Variants in NR6A1 observed in about 807,000 individuals in gnomAD.
NR6A1 encodes nuclear receptor subfamily 6 group A member 1.
Under a neutral mutation model 59.1 loss-of-function variants are expected in NR6A1, and 7 were observed. The ratio of observed to expected loss-of-function variants is 0.12; its 90% CI spans 0.07 to 0.22. NR6A1 has a LOEUF of 0.22. NR6A1 is among the 10% of genes least tolerant of loss of function. NR6A1 has a pLI of 1.00. For synonymous variants in NR6A1, 243 were observed against 236.1 expected (o/e 1.03, Z -0.27); for missense variants, 468 against 611.6 (o/e 0.77, Z 2.48).
In NR6A1 at chr9:124,729,447, T is replaced by C. The variant is rs1218145498; in HGVS notation, c.142+3861A>G. 5.9e-5 allele frequency among the ~76,000 whole-genome samples: 9 copies of C among 152,218 alleles called. No individual in the cohort carries two copies. In the South Asian group the frequency reaches 1.2e-3, roughly 21 times the overall value. ...AAAAAATACAAAAGTTAGCCAGGCA[T>C]GTGGTGTGCACATGTAGTCACAGCT... On this transcript the variant is annotated intron_variant, in intron 2 of 9. Transcript: ENST00000487099.
intron 1 of NR6A1, among the ~76,000 whole-genome samples, chr9:124,761,562 C>T (rs1316008348): frequency 6.6e-6 from 1 of 152,122 alleles, no homozygotes; most frequent in East Asian, 1.9e-4. Flanking sequence ...GGAAGAGATG[C>T]CTCTCCTATA....
intron 2 of NR6A1, among the ~76,000 whole-genome samples, chr9:124,666,275 C>CTTTTTT (rs922378385): frequency 0.012 from 1,222 of 102,986 alleles, 119 homozygotes; most frequent in African/African-American, 0.05. Context: ...CTATGTGGTT[C>CTTTTTT]TTTTTTTTTT....
intron 2 of NR6A1, among the ~76,000 whole-genome samples, chr9:124,723,589 C>A (rs184007602): frequency 2.0e-5 from 3 of 152,300 alleles, no homozygotes; most frequent in Admixed American, 1.3e-4. Flanking sequence ...TTAAGAAACA[C>A]AGGCCAGCTT....
intron 2 of NR6A1, among the ~76,000 whole-genome samples, chr9:124,592,636 C>G (rs540612507): frequency 2.0e-4 from 31 of 152,162 alleles, no homozygotes; most frequent in Non-Finnish European, 1.8e-4. Flanking sequence ...ACTCAAGAAG[C>G]CTAGAATAAA....
Position 124,631,664 on chromosome 9 carries a change from T to C in NR6A1, c.143-77094A>G, listed in dbSNP as rs183555060. ...TTCCAGCAGCTACCTGCATTTTTTTTTTAACTTTTAAGTTCAGGGGTACCT... is the reference window on the plus strand; with the variant it reads ...TTCCAGCAGCTACCTGCATTTTTTTCTTAACTTTTAAGTTCAGGGGTACCT... On this transcript the variant is annotated intron_variant, in intron 2 of 9. Transcript: ENST00000487099. 5.4e-3 allele frequency among the ~76,000 whole-genome samples: 818 copies of C among 152,114 alleles called. 8 individuals carry two copies. The highest frequency in any genetic ancestry group is 0.019 in the African/African-American group (775 of 41,350).
intron 1 of NR6A1, among the ~76,000 whole-genome samples, chr9:124,765,616 G>A (rs1840911134): frequency 6.6e-6 from 1 of 152,156 alleles, no homozygotes. Flanking sequence ...GTGCAGCTGG[G>A]GGTGGGGAAA....
chr9:124,711,061 C>T (rs1191168958), intron 2 of NR6A1, among the ~76,000 whole-genome samples: 5 of 151,832 alleles, frequency 3.3e-5, no homozygotes, highest in African/African-American at 1.2e-4. Context: ...ATTGTTAAAG[C>T]GCATCTATCA....
chr9:124,751,461 C>T (rs1430935486), intron 1 of NR6A1, among the ~76,000 whole-genome samples: 1 of 152,178 alleles, frequency 6.6e-6, no homozygotes, highest in Non-Finnish European at 1.5e-5. Flanking sequence ...TGGAAGTCCT[C>T]CTTACTTCAT....
At chr9:124,558,496 T>C (rs527971998) in intron 2 of NR6A1, among the ~76,000 whole-genome samples, 9 of 152,138 alleles carry the variant, frequency 5.9e-5, no homozygotes, top group East Asian at 1.9e-4. Flanking sequence ...AAAGAAGCAT[T>C]TGGAAAACTT....
At chr9:124,580,691 A>C (rs1834738327) in intron 2 of NR6A1, among the ~76,000 whole-genome samples, 1 of 152,086 alleles carries the variant, frequency 6.6e-6, no homozygotes, top group Admixed American at 6.6e-5. Context: ...ATGGTGGCTC[A>C]CGCCTGTAAT....
At chr9:124,587,866 A>G (rs1354720821) in intron 2 of NR6A1, among the ~76,000 whole-genome samples, 1 of 152,178 alleles carries the variant, frequency 6.6e-6, no homozygotes, top group Non-Finnish European at 1.5e-5. Flanking sequence ...CGCTGGATCA[A>G]TAATTCCCCC....
chr9:124,601,915 T>A (rs1835464003), intron 2 of NR6A1, among the ~76,000 whole-genome samples: 1 of 152,136 alleles, frequency 6.6e-6, no homozygotes, highest in Non-Finnish European at 1.5e-5. Context: ...GCCACTGCAC[T>A]CCAGCCTGGG....
rs1838780391 is a variant in NR6A1 at position 124,696,823 on chromosome 9, A to AT, written c.142+36484dup. 2.0e-5 allele frequency among the ~76,000 whole-genome samples: 3 copies of AT among 151,668 alleles called. No individual in the cohort carries two copies. In the South Asian group the frequency reaches 6.2e-4, roughly 31 times the overall value. On this transcript the variant is annotated intron_variant, in intron 2 of 9. Coordinates refer to ENST00000487099, the MANE Select transcript of NR6A1 (RefSeq NM_033334.4). ...AGGCACGTACCACCATGCCTGGATAATTTTTTGTATTTTTAGTAGAGACAG... is the reference window on the plus strand; with the variant it reads ...AGGCACGTACCACCATGCCTGGATAATTTTTTTGTATTTTTAGTAGAGACAG...
chr9:124,584,164 A>T (rs1402212225), intron 2 of NR6A1, among the ~76,000 whole-genome samples: 1 of 150,630 alleles, frequency 6.6e-6, no homozygotes, highest in African/African-American at 2.4e-5. Context: ...GGGTGGCGCA[A>T]TCTCAGCATC....
At chr9:124,596,787 G>C (rs1835283921) in intron 2 of NR6A1, among the ~76,000 whole-genome samples, 1 of 152,172 alleles carries the variant, frequency 6.6e-6, no homozygotes, top group Non-Finnish European at 1.5e-5. Flanking sequence ...TGGCAAATTG[G>C]AGCCACGTGC....
chr9:124,593,271 G>A (rs376423154), intron 2 of NR6A1, among the ~76,000 whole-genome samples: 3 of 152,232 alleles, frequency 2.0e-5, no homozygotes, highest in East Asian at 3.9e-4. Flanking sequence ...TTGAAGTTTC[G>A]AGAGCCAATA....
intron 2 of NR6A1, among the ~76,000 whole-genome samples, chr9:124,699,158 A>G (rs1413445477): frequency 3.9e-5 from 6 of 152,214 alleles, no homozygotes; most frequent in African/African-American, 1.4e-4. Flanking sequence ...CGCTCTGCAA[A>G]CAGCACAAGG....
intron 3 of NR6A1, among the ~76,000 whole-genome samples, chr9:124,547,390 T>C (rs1833630192): frequency 6.6e-6 from 1 of 152,226 alleles, no homozygotes; most frequent in South Asian, 2.1e-4. Context: ...CTGGTTCTGG[T>C]GGGACCCCTC....
At chr9:124,589,092 A>T (rs1264475348) in intron 2 of NR6A1, among the ~76,000 whole-genome samples, 4 of 152,182 alleles carry the variant, frequency 2.6e-5, no homozygotes, top group Non-Finnish European at 5.9e-5. Flanking sequence ...GTCGAATAAA[A>T]GAGTCGAGGA....
Sources: allele counts gnomAD v4.1 joint callset (sites outside exome capture counted in the v4.1 genomes callset), GRCh38; gene constraint gnomAD v4.1.1; transcripts MANE v1.5; gene names NCBI Gene and HGNC (gene_info 2026-07-23, HGNC 2026-07-21).